Variants in TPM3 observed in about 807,000 individuals in gnomAD.
TPM3 encodes tropomyosin 3, also known as tropomyosin alpha-3 chain.
Under a neutral mutation model 43.1 loss-of-function variants are expected in TPM3, and 16 were observed. That is an observed-to-expected ratio of 0.37 (90% confidence interval 0.25 to 0.56). TPM3 has a LOEUF of 0.56. Ranked by LOEUF, TPM3 falls within the 20% of genes least tolerant of loss-of-function variation. The probability of loss-of-function intolerance (pLI) is 0.77; values close to 1 mark genes in which losing one functional copy is unlikely to be tolerated. For synonymous variants in TPM3, 101 were observed against 116.9 expected (o/e 0.86, Z 0.88); for missense variants, 176 against 337.2 (o/e 0.52, Z 3.74).
intron 2 of TPM3, among the ~76,000 whole-genome samples, chr1:154,190,960 C>T (rs759493481): frequency 1.3e-5 from 2 of 151,862 alleles, no homozygotes; most frequent in Non-Finnish European, 2.9e-5. Flanking sequence ...TAAATGAGAC[C>T]TTTACATGTA....
At chr1:154,178,619 A>AGTGCCTGTCCCTTTCAGGTC (rs1662609184) in intron 2 of TPM3, among the ~76,000 whole-genome samples, 1 of 152,240 alleles carries the variant, frequency 6.6e-6, no homozygotes, top group Non-Finnish European at 1.5e-5. Flanking sequence ...TTTCAGGTCA[A>AGTGCCTGTCCCTTTCAGGTC]ATAATACCAA....
downstream of TPM3, chr1:154,159,031 G>A (rs1660089267): frequency 2.6e-6 from 2 of 780,770 alleles, no homozygotes; most frequent in Middle Eastern, 2.3e-4. Context: ...TTTCGCTCAA[G>A]TTGGCTGTAG....
chr1:154,156,485 A>G (rs377582623), downstream of TPM3: 1 of 194,724 alleles, frequency 5.1e-6, no homozygotes, highest in Admixed American at 6.1e-5. Flanking sequence ...AGGAGAGTAC[A>G]TTTTAAGCCA....
rs560313732 is a variant in TPM3, at chr1:154,161,975, T to TA, written c.*5961dup. On this transcript the variant is annotated 3_prime_UTR_variant, in exon 10 of 10. Coordinates refer to ENST00000651641, the MANE Select transcript of TPM3 (RefSeq NM_152263.4). ...AAAATTAAGACCAGTACTAGCTCCT[T>TA]AAAGTTTTTGGTTCCCTGATAATAG... is the stretch of plus-strand genomic sequence containing the variant. Among the ~76,000 whole-genome samples, 23 of 152,240 alleles carry TA rather than the reference T, an allele frequency of 1.5e-4. No individual in the cohort carries two copies. The highest frequency in any genetic ancestry group is 4.6e-4 in the Admixed American group (7 of 15,292).
chr1:154,191,511 G>A, intron 1 of TPM3, 200 bp from the exon 2 acceptor site: 2 of 1,297,358 alleles, frequency 1.5e-6, no homozygotes, highest in South Asian at 2.9e-5. Context: ...CTGATCCTAA[G>A]ATGACCAAGC....
downstream of TPM3, chr1:154,157,082 G>C (rs1659892386): frequency 4.8e-6 from 1 of 209,724 alleles, no homozygotes; most frequent in Admixed American, 5.9e-5. Flanking sequence ...GTTGTTGTTT[G>C]GCTAACTCCT....
At chr1:154,174,205 C>T (rs1032623341) in intron 3 of TPM3, among the ~76,000 whole-genome samples, 5 of 148,944 alleles carry the variant, frequency 3.4e-5, no homozygotes, top group Non-Finnish European at 7.4e-5. Context: ...TGGTGGCAGG[C>T]GCCTGTAATC....
chr1:154,173,280 T>G (rs925877117), intron 3 of TPM3, 79 bp from the exon 4 acceptor site: 3 of 1,230,198 alleles, frequency 2.4e-6, no homozygotes, highest in Non-Finnish European at 3.6e-6. Context: ...CTCAGAACTG[T>G]ACTTTTAAAA....
At chr1:154,159,975 C>CTAAG (rs1436970457), downstream of TPM3, among the ~76,000 whole-genome samples, 1 of 146,892 alleles carries the variant, frequency 6.8e-6, no homozygotes, top group South Asian at 2.1e-4. Flanking sequence ...ATTTAAGCTA[C>CTAAG]TAAGTAAGTT....
At chr1:154,176,332 C>G in intron 2 of TPM3, 84 bp from the exon 3 acceptor site, 1 of 1,601,896 alleles carries the variant, frequency 6.2e-7, no homozygotes, top group Non-Finnish European at 8.5e-7. Context: ...TCAGGGTTGA[C>G]TACCATGAAA....
chr1:154,191,169 ATCTC>A lies in TPM3; in HGVS notation c.243+13_243+16del, dbSNP rs146969764. The A allele has an allele frequency of 1.9e-6, 3 of 1,613,492 alleles. No homozygotes were observed. The highest frequency in any genetic ancestry group is 2.5e-6 in the Non-Finnish European group (3 of 1,179,848). ...TATGTGTAGATTAAACCCATCCTCC[ATCTC>A]TCTAATACTCACATCAGCAGCCTTC... On this transcript the variant is annotated intron_variant, in intron 2 of 9. Coordinates refer to ENST00000651641, the MANE Select transcript of TPM3 (RefSeq NM_152263.4).
rs551924885 is a variant in TPM3, at chr1:154,170,963, G to T, written c.643-252C>A. On this transcript the variant is annotated intron_variant, in intron 6 of 9. Transcript: ENST00000651641. The stretch of plus-strand genomic sequence containing the variant: ...TGGATCTAAGCTTTGATATTATTCA[G>T]ATCAACCCAAGGAGGTGTTTTTCCT... The T allele has an allele frequency of 2.1e-5, 12 of 559,806 alleles. No homozygotes were observed. In the South Asian group the frequency reaches 2.5e-4, roughly 12 times the overall value. The allele number at this position is 559,806 out of a possible 1,614,324, so 34.7% of individuals were successfully genotyped here.
chr1:154,183,540 G>A, intron 2 of TPM3: 2 of 360,374 alleles, frequency 5.5e-6, no homozygotes, highest in Non-Finnish European at 1.1e-5. Context: ...CCGCAATGCC[G>A]ATACCCGTCA....
intron 2 of TPM3, chr1:154,187,442 G>A: frequency 1.0e-6 from 1 of 984,644 alleles, no homozygotes; most frequent in Non-Finnish European, 1.2e-6. Flanking sequence ...ACTTGGGAAA[G>A]CTAACAAAGG....
intron 3 of TPM3, among the ~76,000 whole-genome samples, chr1:154,174,868 T>C (rs1317192716): frequency 6.6e-6 from 1 of 151,928 alleles, no homozygotes; most frequent in Non-Finnish European, 1.5e-5. Context: ...AGCTGCACAG[T>C]AGTAACGTAC....
At chr1:154,170,333 G>T in intron 8 of TPM3, 67 bp downstream of exon 8, 1 of 1,547,326 alleles carries the variant, frequency 6.5e-7, no homozygotes, top group South Asian at 1.1e-5. Context: ...CAGAAAAAGA[G>T]ATTAATGGTT....
chr1:154,191,623 T>C, intron 1 of TPM3: 2 of 1,411,752 alleles, frequency 1.4e-6, no homozygotes, highest in South Asian at 3.0e-5. Context: ...CCTCTAGAAC[T>C]CTTACCTTTT....
chr1:154,191,949 C>G lies in TPM3; in HGVS notation c.70G>C (p.Glu24Gln), dbSNP rs1426785952. Reference protein sequence around the residue: ...LDKENALDRAEQAEAEQKQAE... With the variant: ...LDKENALDRAQQAEAEQKQAE... Reference sequence around the variant, plus strand: ...TGCTTCTGCTCAGCTTCAGCTTGCTCTGCCCGATCCAGAGCATTCTCCTTG... The same window carrying G: ...TGCTTCTGCTCAGCTTCAGCTTGCTGTGCCCGATCCAGAGCATTCTCCTTG... Residue 24 changes from glutamate to glutamine, a missense_variant, in exon 1 of 10, where the codon GAG becomes CAG. By Grantham distance (29) the Glu-to-Gln change is conservative. This residue lies in a region of TPM3 where 82 missense variants were observed against 148.8 expected (regional missense o/e 0.55). Coordinates refer to ENST00000651641, the MANE Select transcript of TPM3 (RefSeq NM_152263.4). 6.2e-7 allele frequency: 1 copy of G among 1,613,968 alleles called. No homozygotes were observed. Among genetic ancestry groups the G allele is most frequent in the Non-Finnish European group, 8.5e-7 (1 of 1,180,024 alleles).
At position 154,171,455 on chromosome 1, in the gene TPM3, ATTC is replaced by A; in HGVS notation, c.597_599del (p.Lys199del). On this transcript the variant is annotated inframe_deletion, in exon 6 of 10. Transcript: ENST00000651641. ...CAAGAGACTTGAGGTTGTTGGTGAC[ATTC>A]TTCAGCTCCTCCTCCAGCTCAGAAC... 2 of 1,614,194 alleles carry A rather than the reference ATTC, an allele frequency of 1.2e-6. No homozygotes were observed. The highest frequency in any genetic ancestry group is 1.7e-6 in the Non-Finnish European group (2 of 1,180,026).
Sources: allele counts gnomAD v4.1 joint callset (sites outside exome capture counted in the v4.1 genomes callset), GRCh38; gene constraint gnomAD v4.1.1; regional missense constraint gnomAD v4.1.1; transcripts MANE v1.5; gene names NCBI Gene and HGNC (gene_info 2026-07-23, HGNC 2026-07-21).